The following EGFR variants were observed in gnomAD, a reference collection of about 807,000 sequenced individuals.
EGFR encodes avian erythroblastic leukemia viral (v-erb-b) oncogene homolog.
Under a neutral mutation model 143.0 loss-of-function variants are expected in EGFR, and 58 were observed. The observed-to-expected ratio is 0.41, with a 90% CI of 0.33 to 0.50. The LOEUF is 0.50. Ranked by LOEUF, EGFR falls within the 20% of genes least tolerant of loss-of-function variation. The probability of loss-of-function intolerance (pLI) is 0.39; values close to 1 mark genes in which losing one functional copy is unlikely to be tolerated. For synonymous variants in EGFR, 613 were observed against 594.4 expected (o/e 1.03, Z -0.45); for missense variants, 1,307 against 1,579.0 (o/e 0.83, Z 2.92).
chr7:55,069,769 T>C (rs1272265924), intron 1 of EGFR, among the ~76,000 whole-genome samples: 5 of 152,210 alleles, frequency 3.3e-5, no homozygotes, highest in African/African-American at 7.2e-5. Context: ...GATGCCTGCA[T>C]AGACTCTAGT....
intron 1 of EGFR, among the ~76,000 whole-genome samples, chr7:55,102,521 G>A (rs1213504117): frequency 6.6e-6 from 1 of 152,188 alleles, no homozygotes; most frequent in African/African-American, 2.4e-5. Flanking sequence ...GAACTGCAGC[G>A]TCTGCTGCTT....
chr7:55,156,831 A>G lies in EGFR; in HGVS notation c.1206A>G (p.Thr402=), dbSNP rs1469472530. The change falls in exon 10 of 28, where the codon ACA becomes ACG. Residue 402 remains threonine, a splice_region_variant and synonymous_variant. Coordinates refer to ENST00000275493, the MANE Select transcript of EGFR (RefSeq NM_005228.5). Reference sequence around the variant, plus strand: ...TTCTGAAAACCGTAAAGGAAATCACAGGTTTGAGCTGAATTATCACATGAA... The same window carrying G: ...TTCTGAAAACCGTAAAGGAAATCACGGGTTTGAGCTGAATTATCACATGAA... ...LDILKTVKEI[T]GFLLIQAWPE... is the part of the protein sequence containing the mutation. 2 of 1,614,240 alleles carry G rather than the reference A, an allele frequency of 1.2e-6. No homozygotes were observed. Among genetic ancestry groups the G allele is most frequent in the Non-Finnish European group, 8.5e-7 (1 of 1,180,044 alleles).
At chr7:55,063,484 T>C (rs1363222819) in intron 1 of EGFR, among the ~76,000 whole-genome samples, 1 of 152,150 alleles carries the variant, frequency 6.6e-6, no homozygotes, top group Non-Finnish European at 1.5e-5. Flanking sequence ...GGAGGAAATA[T>C]AATGAACAAA....
intron 20 of EGFR, among the ~76,000 whole-genome samples, chr7:55,182,988 A>G (rs1786961574): frequency 6.6e-6 from 1 of 152,150 alleles, no homozygotes. Context: ...GTAGCTCAAC[A>G]TAGCACAGCT....
intron 1 of EGFR, among the ~76,000 whole-genome samples, chr7:55,117,670 C>A (rs1001349633): frequency 3.3e-5 from 5 of 152,162 alleles, no homozygotes; most frequent in African/African-American, 9.7e-5. Flanking sequence ...GGCGGTATTC[C>A]CTTCTGCGCC....
chr7:55,185,284 G>T (rs145229182), intron 20 of EGFR, among the ~76,000 whole-genome samples: 2 of 152,128 alleles, frequency 1.3e-5, no homozygotes, highest in Non-Finnish European at 2.9e-5. Context: ...AGGAGCTTGC[G>T]GAGACACCAC....
At chr7:55,192,177 A>G (rs1005165237) in intron 21 of EGFR, among the ~76,000 whole-genome samples, 1 of 152,250 alleles carries the variant, frequency 6.6e-6, no homozygotes, top group African/African-American at 2.4e-5. Context: ...CAATAGCGCA[A>G]TTGGGAAAGG....
At position 55,091,546 on chromosome 7, in the gene EGFR, G is replaced by A. The variant is rs1026461184; in HGVS notation, c.89-50740G>A. Among the ~76,000 whole-genome samples, 3 of 152,156 alleles carry A rather than the reference G, an allele frequency of 2.0e-5. No individual in the cohort carries two copies. The South Asian group carries it at 6.2e-4, about 32-fold the overall frequency. ...CTCCCTTCGACAGTACAGGCTTCCT[G>A]GTTACCTTCCAGAGAGTAAGGCCAG... On this transcript the variant is annotated intron_variant, in intron 1 of 27. Coordinates refer to ENST00000275493, the MANE Select transcript of EGFR (RefSeq NM_005228.5).
chr7:55,101,191 C>T (rs891093680), intron 1 of EGFR, among the ~76,000 whole-genome samples: 8 of 152,262 alleles, frequency 5.3e-5, no homozygotes, highest in Non-Finnish European at 2.9e-5. Flanking sequence ...GAAGCCTGCC[C>T]TGTCCTGTCC....
intron 1 of EGFR, among the ~76,000 whole-genome samples, chr7:55,089,751 C>T (rs888354660): frequency 5.3e-5 from 8 of 152,252 alleles, no homozygotes; most frequent in East Asian, 1.9e-4. Flanking sequence ...TCAGACCCAC[C>T]TCTCACCTTT....
chr7:55,093,845 C>T (rs1191402599), intron 1 of EGFR, among the ~76,000 whole-genome samples: 1 of 152,170 alleles, frequency 6.6e-6, no homozygotes, highest in Non-Finnish European at 1.5e-5. Context: ...CTGAATCATG[C>T]CTGGATGCCA....
intron 1 of EGFR, among the ~76,000 whole-genome samples, chr7:55,100,306 A>G (rs186517649): frequency 2.6e-5 from 4 of 152,338 alleles, no homozygotes; most frequent in Admixed American, 2.6e-4. Flanking sequence ...TGGGGACACC[A>G]TGAGCTCACT....
chr7:55,179,028 A>G (rs1786730358), intron 19 of EGFR, among the ~76,000 whole-genome samples: 1 of 152,204 alleles, frequency 6.6e-6, no homozygotes, highest in Non-Finnish European at 1.5e-5. Context: ...CTTGCCACGT[A>G]CTTGCCAACA....
At position 55,063,094 on chromosome 7, in the gene EGFR, T is replaced by A. The variant is rs562748802; in HGVS notation, c.88+43729T>A. On this transcript the variant is annotated intron_variant, in intron 1 of 27. Coordinates refer to ENST00000275493, the MANE Select transcript of EGFR (RefSeq NM_005228.5). ...AAAGTCTGCCTGCTCCAGGACCTCA[T>A]GTTGCATCTCCATTCTCTTCACTGA... 4.4e-4 allele frequency among the ~76,000 whole-genome samples: 67 copies of A among 152,280 alleles called. 3 individuals carry two copies. The South Asian group carries it at 0.014, about 31-fold the overall frequency.
intron 1 of EGFR, 34 bp from the exon 2 acceptor site, chr7:55,142,252 A>C (rs1794498720): frequency 4.3e-6 from 7 of 1,613,860 alleles, no homozygotes; most frequent in Non-Finnish European, 5.9e-6. Flanking sequence ...TGCATTTCTC[A>C]GTATTTCATG....
rs1396158613 is a variant in EGFR, at chr7:55,209,296, A to G, written c.*3679A>G. ...TAGAATAAAAGGCTGGGTAGGGTAG[A>G]GATTCCCATGTGCAGTGGAGAGAAC... On this transcript the variant is annotated 3_prime_UTR_variant, in exon 28 of 28. Coordinates refer to ENST00000275493, the MANE Select transcript of EGFR (RefSeq NM_005228.5). The G allele has an allele frequency of 1.3e-5, 2 of 152,190 alleles. No homozygotes were observed. The highest frequency in any genetic ancestry group is 3.9e-4 in the East Asian group (2 of 5,190). 9.4% of individuals were successfully genotyped at this position (152,190 alleles called of 1,614,324 possible).
At chr7:55,116,303 T>A (rs1055914266) in intron 1 of EGFR, among the ~76,000 whole-genome samples, 1 of 152,198 alleles carries the variant, frequency 6.6e-6, no homozygotes. Context: ...GCCCACGCAA[T>A]GCGCACATCC....
intron 1 of EGFR, among the ~76,000 whole-genome samples, chr7:55,021,075 C>A (rs1343401664): frequency 1.3e-5 from 2 of 152,060 alleles, no homozygotes; most frequent in East Asian, 3.9e-4. Flanking sequence ...TGTTACTTGC[C>A]AATGCTAAGA....
At chr7:55,126,607 G>A (rs1314800105) in intron 1 of EGFR, among the ~76,000 whole-genome samples, 2 of 152,262 alleles carry the variant, frequency 1.3e-5, no homozygotes, top group South Asian at 2.1e-4. Context: ...CCACATACCA[G>A]TGAGGGGGAG....
Sources: gnomAD v4.1 joint callset for allele counts (sites outside exome capture counted in the v4.1 genomes callset) on GRCh38, gnomAD v4.1.1 for gene constraint, MANE v1.5 for transcripts, NCBI Gene and HGNC (gene_info 2026-07-23, HGNC 2026-07-21) for gene names.